Variants in CDK7 observed in about 807,000 individuals in gnomAD.
CDK7 encodes cyclin-dependent kinase 7.
A neutral mutation model predicts 49.1 loss-of-function variants in CDK7; 25 were observed. That is an observed-to-expected ratio of 0.51 (90% CI 0.37 to 0.71). The LOEUF is 0.71. Ranked by LOEUF, CDK7 falls within the 30% of genes least tolerant of loss-of-function variation. The probability of loss-of-function intolerance (pLI) is 0.00; values close to 1 mark genes in which losing one functional copy is unlikely to be tolerated. For synonymous variants in CDK7, 107 were observed against 140.0 expected (o/e 0.76, Z 1.67); for missense variants, 316 against 411.7 (o/e 0.77, Z 2.01).
At chr5:69,247,279 G>A (rs143363334) in intron 2 of CDK7, among the ~76,000 whole-genome samples, 55 of 152,242 alleles carry the variant, frequency 3.6e-4, no homozygotes, top group African/African-American at 1.3e-3. Context: ...ATTGTTGGGT[G>A]CATATATATT....
At chr5:69,235,199 C>G (rs1190771456) in intron 1 of CDK7, 158 bp downstream of exon 1, 2 of 779,332 alleles carry the variant, frequency 2.6e-6, no homozygotes, top group Non-Finnish European at 4.3e-6. Context: ...TCTTTACATC[C>G]TGGGGGTGAA....
intron 5 of CDK7, among the ~76,000 whole-genome samples, chr5:69,257,247 AGTG>A (rs1406211324): frequency 6.6e-6 from 1 of 152,166 alleles, no homozygotes; most frequent in Non-Finnish European, 1.5e-5. Context: ...CTTTGATTAT[AGTG>A]GTGGTTACAT....
At chr5:69,240,516 T>C (rs751003259) in intron 2 of CDK7, among the ~76,000 whole-genome samples, 2 of 152,326 alleles carry the variant, frequency 1.3e-5, no homozygotes, top group South Asian at 4.1e-4. Context: ...ATGAAGTAAG[T>C]GTGGCAAAAT....
At chr5:69,250,303 G>A (rs891577740) in intron 2 of CDK7, among the ~76,000 whole-genome samples, 3 of 152,186 alleles carry the variant, frequency 2.0e-5, no homozygotes, top group Non-Finnish European at 4.4e-5. Flanking sequence ...GGGGTACCCC[G>A]AACCCAGTAA....
At position 69,264,167 on chromosome 5, in the gene CDK7, A is replaced by C. The variant is rs1349264412; in HGVS notation, c.627+1863A>C. Reference sequence around the variant, plus strand: ...TGGAAAAAATGGAAACAACCAAAGCAGAAGAAAATTCACCGCCCCCAGCCC... The same window carrying C: ...TGGAAAAAATGGAAACAACCAAAGCCGAAGAAAATTCACCGCCCCCAGCCC... On this transcript the variant is annotated intron_variant, in intron 8 of 11. Transcript: ENST00000256443. 9.2e-5 allele frequency among the ~76,000 whole-genome samples: 14 copies of C among 152,216 alleles called. 1 individual carries two copies. The highest frequency in any genetic ancestry group is 9.2e-4 in the Admixed American group (14 of 15,280).
chr5:69,246,641 A>T (rs1749773741), intron 2 of CDK7, among the ~76,000 whole-genome samples: 1 of 147,672 alleles, frequency 6.8e-6, no homozygotes, highest in Non-Finnish European at 1.5e-5. Context: ...TAACTTTGGG[A>T]TTGGTTTGCT....
intron 4 of CDK7, 112 bp downstream of exon 4, chr5:69,254,781 G>A (rs1750382104): frequency 1.5e-6 from 1 of 648,304 alleles, no homozygotes; most frequent in African/African-American, 1.8e-5. Context: ...CCTTGTAGAA[G>A]CTTAAAGGAA....
chr5:69,275,543 TCTGAAATGCTC>T (rs1338435530), intron 10 of CDK7, among the ~76,000 whole-genome samples: 1 of 152,170 alleles, frequency 6.6e-6, no homozygotes, highest in Non-Finnish European at 1.5e-5. Flanking sequence ...ATATCCGAAA[TCTGAAATGCTC>T]CAAAATCCAA....
intron 3 of CDK7, among the ~76,000 whole-genome samples, chr5:69,252,994 G>A (rs1750250065): frequency 6.6e-6 from 1 of 152,142 alleles, no homozygotes; most frequent in Admixed American, 6.5e-5. Flanking sequence ...ATAAATGGAA[G>A]GCAGCAAGCT....
chr5:69,258,085 A>C lies in CDK7; in HGVS notation c.340A>C (p.Ile114Leu), dbSNP rs1750595986. 1.9e-6 allele frequency: 3 copies of C among 1,600,368 alleles called. No individual in the cohort carries two copies. Among genetic ancestry groups the C allele is most frequent in the Non-Finnish European group, 2.6e-6 (3 of 1,170,524 alleles). ...DNSLVLTPSH[I>L]KAYMLMTLQG... Reference sequence around the variant, plus strand: ...TAGTCTTGTGCTGACACCATCACACATCAAAGCCTACATGTTGATGACTCT... The same window carrying C: ...TAGTCTTGTGCTGACACCATCACACCTCAAAGCCTACATGTTGATGACTCT... The change falls in exon 6 of 12, where the codon ATC becomes CTC. Residue 114 changes from isoleucine (I) to leucine (L), a missense_variant. By Grantham distance (5) the Ile-to-Leu change is conservative. Coordinates refer to ENST00000256443, the MANE Select transcript of CDK7 (RefSeq NM_001799.4).
rs571659810 is a variant in CDK7, at chr5:69,275,583, G to A, written c.865-960G>A. Among the ~76,000 whole-genome samples the A allele has an allele frequency of 3.3e-5, 5 of 152,218 alleles. No individual in the cohort carries two copies. In the South Asian group the frequency reaches 6.2e-4, roughly 19 times the overall value. On this transcript the variant is annotated intron_variant, in intron 10 of 11. Coordinates refer to ENST00000256443, the MANE Select transcript of CDK7 (RefSeq NM_001799.4). ...AATCCAAAGCTTTTTGAATGATGAC[G>A]TGATGCCACAAGTGGAAAATTCTAC... is the stretch of plus-strand genomic sequence containing the variant.
intron 2 of CDK7, among the ~76,000 whole-genome samples, chr5:69,239,340 ATCTTT>A (rs1205042474): frequency 6.6e-5 from 10 of 152,338 alleles, no homozygotes; most frequent in African/African-American, 2.4e-4. Flanking sequence ...AAAGTTCATC[ATCTTT>A]TCTTACACTT....
chr5:69,247,830 A>G (rs759747639), intron 2 of CDK7, among the ~76,000 whole-genome samples: 1 of 152,224 alleles, frequency 6.6e-6, no homozygotes, highest in Non-Finnish European at 1.5e-5. Flanking sequence ...CACTGATTAC[A>G]TAAACAAACC....
intron 2 of CDK7, among the ~76,000 whole-genome samples, chr5:69,248,790 C>CTTTTTTT (rs61331502): frequency 3.6e-5 from 4 of 110,466 alleles, no homozygotes; most frequent in African/African-American, 6.6e-5. Context: ...ACCTTCTTTT[C>CTTTTTTT]TTTTTTTTTT....
At chr5:69,235,309 C>A in intron 1 of CDK7, 85 bp from the exon 2 acceptor site, 1 of 1,036,276 alleles carries the variant, frequency 9.6e-7, no homozygotes, top group Non-Finnish European at 1.5e-6. Context: ...GAACTCTGGG[C>A]TCTTTGCTTC....
At chr5:69,241,944 C>T (rs1023120107) in intron 2 of CDK7, among the ~76,000 whole-genome samples, 1 of 152,030 alleles carries the variant, frequency 6.6e-6, no homozygotes, top group African/African-American at 2.4e-5. Context: ...GCATTGGTTG[C>T]CTGTGCTTGT....
chr5:69,255,312 C>T (rs1042754293), intron 4 of CDK7, 148 bp from the exon 5 acceptor site: 1 of 516,174 alleles, frequency 1.9e-6, no homozygotes. Flanking sequence ...CAAAAAAGGA[C>T]AAATGTCAAA....
intron 9 of CDK7, among the ~76,000 whole-genome samples, 193 bp from the exon 10 acceptor site, chr5:69,272,699 C>T (rs1295285147): frequency 1.3e-5 from 2 of 151,720 alleles, no homozygotes; most frequent in Non-Finnish European, 2.9e-5. Flanking sequence ...TGCTAGTGTA[C>T]AAAATTACAA....
intron 8 of CDK7, among the ~76,000 whole-genome samples, chr5:69,268,878 C>T (rs552235653): frequency 1.5e-4 from 21 of 141,560 alleles, no homozygotes; most frequent in African/African-American, 5.3e-4. Flanking sequence ...CGTGGTGGCT[C>T]ACGCCTGTAA....
Sources: gnomAD v4.1 joint callset for allele counts (sites outside exome capture counted in the v4.1 genomes callset) on GRCh38, gnomAD v4.1.1 for gene constraint, MANE v1.5 for transcripts, NCBI Gene and HGNC (gene_info 2026-07-23, HGNC 2026-07-21) for gene names.